GCKR: variants seen among roughly 807,000 people sequenced by gnomAD.
The protein encoded by GCKR is glucokinase regulator, also known as glucokinase regulatory protein.
A neutral mutation model predicts 82.9 loss-of-function variants in GCKR; 73 were observed. That is an observed-to-expected ratio of 0.88 (90% confidence interval 0.73 to 1.07). The LOEUF is 1.07. Among genes scored for constraint, GCKR ranks in the 50% least tolerant of loss-of-function variants. GCKR has a pLI of 0.00. For missense variants in GCKR, 784 were observed against 782.1 expected, an observed-to-expected ratio of 1.00 and a Z score of -0.03; for synonymous variants, 294 against 291.8, an observed-to-expected ratio of 1.01 and a Z score of -0.08.
chr2:27,503,702 G>T (rs1669640720), intron 9 of GCKR, 83 bp downstream of exon 9: 1 of 751,334 alleles, frequency 1.3e-6, no homozygotes, highest in South Asian at 1.4e-5. Context: ...TCTGATTTTA[G>T]GTTCTATTAT....
At position 27,508,301 on chromosome 2, in the gene GCKR, G is replaced by A. The variant is rs8179221; in HGVS notation, c.1422+50G>A. ...CTGCAGTAAGGGGCTCAGAGGGTGA[G>A]GGATTCCAAGAATCAAAAAACCCAA... On this transcript the variant is annotated intron_variant, in intron 16 of 18. Transcript: ENST00000264717. 2.2e-3 allele frequency: 2,665 copies of A among 1,198,972 alleles called. 46 individuals carry two copies. The African/African-American group carries it at 0.036, about 16-fold the overall frequency. The allele number at this position is 1,198,972 out of a possible 1,614,324, so 74.3% of individuals were successfully genotyped here.
intron 8 of GCKR, chr2:27,501,910 G>A (rs1392023448): frequency 8.6e-6 from 3 of 349,036 alleles, no homozygotes; most frequent in Non-Finnish European, 1.7e-5. Flanking sequence ...AGTTCCTTGT[G>A]TAAGAGGTCT....
chr2:27,499,403 G>A lies in GCKR; in HGVS notation c.502G>A (p.Ala168Thr). ...HGIEELKKVA[A>T]GKKRVIVIGI... ...GTCCATCCTCCTCTCCTAGGTGGCT[G>A]CCGGGAAGAAGAGAGTGATTGTCAT... Residue 168 changes from alanine to threonine, a missense_variant, in exon 7 of 19, where the codon GCC (alanine) becomes ACC (threonine). Ala to Thr is a moderately conservative substitution (Grantham distance 58). Transcript: ENST00000264717. 6.2e-7 allele frequency: 1 copy of A among 1,612,052 alleles called. No individual in the cohort carries two copies. The highest frequency in any genetic ancestry group is 8.5e-7 in the Non-Finnish European group (1 of 1,178,060).
Position 27,522,603 on chromosome 2 carries a change from C to T in GCKR, c.1707+9C>T, listed in dbSNP as rs760125685. On this transcript the variant is annotated intron_variant, in intron 18 of 18. Transcript: ENST00000264717. ...CACATGAGAAGGAACAGGTATCCTG[C>T]CCACTGCTGGTCATTCAACAAATAC... The T allele has an allele frequency of 1.2e-6, 2 of 1,608,504 alleles. No individual in the cohort carries two copies. The highest frequency in any genetic ancestry group is 2.2e-5 in the East Asian group (1 of 44,854).
In GCKR at chr2:27,501,144, G is replaced by T. The variant is rs779995020; in HGVS notation, c.559G>T (p.Val187Leu). ...GISVGLSAPF[V>L]AGQMDCCMNN... ...CTCTCTTCACCATCAGGCTCCCTTT[G>T]TGGCAGGCCAGATGGACTGCTGCAT... The change falls in exon 8 of 19, where the codon GTG (valine) becomes TTG (leucine). Residue 187 changes from valine (V) to leucine (L), a missense_variant. Coordinates refer to ENST00000264717, the MANE Select transcript of GCKR (RefSeq NM_001486.4). The T allele has an allele frequency of 2.5e-6, 4 of 1,612,798 alleles. No homozygotes were observed. The highest frequency in any genetic ancestry group is 3.4e-6 in the Non-Finnish European group (4 of 1,178,776).
Position 27,498,235 on chromosome 2 carries a change from A to G in GCKR, c.286-20A>G, listed in dbSNP as rs1286106734. 4 of 1,593,990 alleles carry G rather than the reference A, an allele frequency of 2.5e-6. No individual in the cohort carries two copies. Among genetic ancestry groups the G allele is most frequent in the African/African-American group, 1.3e-5 (1 of 74,586 alleles). ...AACCTGAGCCAGGCCCTGGTAATAT[A>G]TGCCTCTTTCCTTCTTCAGGAGCCA... On this transcript the variant is annotated intron_variant, in intron 3 of 18. Transcript: ENST00000264717.
In GCKR at chr2:27,508,224, C is replaced by T; in HGVS notation, c.1395C>T (p.Phe465=). The T allele has an allele frequency of 6.2e-7, 1 of 1,610,320 alleles. No individual in the cohort carries two copies. The highest frequency in any genetic ancestry group is 2.2e-5 in the East Asian group (1 of 44,854). Residue 465 remains phenylalanine, a synonymous_variant, in exon 16 of 19, where the codon TTC becomes TTT. Transcript: ENST00000264717. ...TCAGCATCACATGGCCACTGCTTTTCTTTGAATATGAAGGGAACTTCATCC... is the reference window on the plus strand; with the variant it reads ...TCAGCATCACATGGCCACTGCTTTTTTTTGAATATGAAGGGAACTTCATCC... ...SIISITWPLL[F]FEYEGNFIQK... is the part of the protein sequence containing the mutation.
At chr2:27,512,235 CAAA>C (rs60079696) in intron 16 of GCKR, among the ~76,000 whole-genome samples, 19 of 46,214 alleles carry the variant, frequency 4.1e-4, no homozygotes, top group African/African-American at 1.3e-3. Flanking sequence ...GACTCCATCT[CAAA>C]AAAAAAAAAA....
Position 27,522,566 on chromosome 2 carries a change from A to G in GCKR, c.1679A>G (p.His560Arg). 1.9e-6 allele frequency: 3 copies of G among 1,614,124 alleles called. No homozygotes were observed. Among genetic ancestry groups the G allele is most frequent in the South Asian group, 1.1e-5 (1 of 91,084 alleles). ...ATTCGGGCTGCTCCCATCTCCTGCC[A>G]TGTCCAGGTTGCACATGAGAAGGAA... Reference protein sequence around the residue: ...DDIRAAPISCHVQVAHEKEQV... With the variant: ...DDIRAAPISCRVQVAHEKEQV... Residue 560 changes from histidine to arginine, a missense_variant, in exon 18 of 19, where the codon CAT becomes CGT. His to Arg is a conservative substitution (Grantham distance 29, BLOSUM62 0). Coordinates refer to ENST00000264717, the MANE Select transcript of GCKR (RefSeq NM_001486.4).
At chr2:27,515,255 C>A (rs775046235) in intron 16 of GCKR, among the ~76,000 whole-genome samples, 1 of 149,452 alleles carries the variant, frequency 6.7e-6, no homozygotes, top group Non-Finnish European at 1.5e-5. Flanking sequence ...TGATTACAGG[C>A]GTGAGCCACC....
intron 16 of GCKR, among the ~76,000 whole-genome samples, chr2:27,509,037 A>G (rs1377650382): frequency 6.6e-6 from 1 of 152,176 alleles, no homozygotes; most frequent in Non-Finnish European, 1.5e-5. Flanking sequence ...TTGTGTGGGC[A>G]TTGGGAGCTC....
At chr2:27,507,506 G>T in intron 13 of GCKR, 175 bp from the exon 14 acceptor site, 1 of 677,930 alleles carries the variant, frequency 1.5e-6, no homozygotes, top group Non-Finnish European at 2.7e-6. Context: ...CCCAAACTTG[G>T]CCCTAGTCCA....
chr2:27,510,157 C>T (rs953935262), intron 16 of GCKR, among the ~76,000 whole-genome samples: 7 of 151,908 alleles, frequency 4.6e-5, no homozygotes, highest in East Asian at 1.9e-4. Flanking sequence ...TACAGGTGCC[C>T]GCCACCACGC....
chr2:27,511,689 A>T (rs571206961), intron 16 of GCKR, among the ~76,000 whole-genome samples: 34 of 152,096 alleles, frequency 2.2e-4, no homozygotes, highest in Middle Eastern at 3.2e-3. Flanking sequence ...TCTCAAAAAA[A>T]AATAATAATA....
intron 17 of GCKR, 71 bp from the exon 18 acceptor site, chr2:27,522,389 C>T (rs1199396042): frequency 1.3e-6 from 2 of 1,519,776 alleles, no homozygotes; most frequent in African/African-American, 1.4e-5. Context: ...ATAGTTTATT[C>T]TTCTCCCTTG....
chr2:27,503,519 A>G lies in GCKR; in HGVS notation c.650A>G (p.Asp217Gly). The stretch of plus-strand genomic sequence containing the variant: ...TGTGTCTCTCTGGACCTCAGAAATG[A>G]CCCCATTGAAGACTGGAGTTCAACA... ...GFNPVSMARNDPIEDWSSTFR... is the reference protein window; with the variant it reads ...GFNPVSMARNGPIEDWSSTFR... The change falls in exon 9 of 19, where the codon GAC (aspartate) becomes GGC (glycine). Residue 217 changes from aspartate to glycine, a missense_variant. Coordinates refer to ENST00000264717, the MANE Select transcript of GCKR (RefSeq NM_001486.4). 1 of 1,557,530 alleles carries G rather than the reference A, an allele frequency of 6.4e-7. No individual in the cohort carries two copies. Among genetic ancestry groups the G allele is most frequent in the Non-Finnish European group, 8.9e-7 (1 of 1,128,426 alleles).
chr2:27,511,239 GCTGGTCTCGAACTTCGGAC>G (rs1669875237), intron 16 of GCKR, among the ~76,000 whole-genome samples: 2 of 151,856 alleles, frequency 1.3e-5, no homozygotes, highest in Admixed American at 1.3e-4. Flanking sequence ...TGTTGGCCGG[GCTGGTCTCGAACTTCGGAC>G]CTCAGGTAAT....
intron 13 of GCKR, 105 bp from the exon 14 acceptor site, chr2:27,507,576 C>T (rs1669779406): frequency 1.3e-6 from 1 of 767,096 alleles, no homozygotes; most frequent in Admixed American, 1.8e-5. Context: ...GCTCTTTCAC[C>T]TGTGCACAAA....
At chr2:27,518,989 C>T (rs370293705) in intron 17 of GCKR, 52 bp downstream of exon 17, 13 of 1,532,990 alleles carry the variant, frequency 8.5e-6, no homozygotes, top group Non-Finnish European at 9.9e-6. Context: ...AATGCTTAGG[C>T]TGCCAGAGGA....
Sources: allele counts gnomAD v4.1 joint callset (sites outside exome capture counted in the v4.1 genomes callset), GRCh38; gene constraint gnomAD v4.1.1; transcripts MANE v1.5; gene names NCBI Gene and HGNC (gene_info 2026-07-23, HGNC 2026-07-21).